CACNA2D1: variants seen among roughly 807,000 people sequenced by gnomAD.
CACNA2D1 encodes voltage-dependent calcium channel subunit alpha-2/delta-1.
In CACNA2D1, 53 loss-of-function variants were observed where a neutral mutation model predicts 171.5. That is an observed-to-expected ratio of 0.31 (90% confidence interval 0.25 to 0.39). The LOEUF (loss-of-function observed/expected upper bound fraction) is 0.39. Ranked by LOEUF, CACNA2D1 falls within the 10% of genes least tolerant of loss-of-function variation. The pLI, the probability that CACNA2D1 is intolerant of heterozygous loss-of-function variation, is 1.00. For missense variants in CACNA2D1, 903 were observed against 1,299.8 expected, an observed-to-expected ratio of 0.69 and a Z score of 4.69; for synonymous variants, 442 against 443.1, an observed-to-expected ratio of 1.00 and a Z score of 0.03.
At chr7:82,105,567 C>G (rs1366270584) in intron 6 of CACNA2D1, among the ~76,000 whole-genome samples, 7 of 151,936 alleles carry the variant, frequency 4.6e-5, no homozygotes, top group Non-Finnish European at 1.0e-4. Context: ...ATAAATAATA[C>G]TATCTCCATA....
intron 1 of CACNA2D1, among the ~76,000 whole-genome samples, chr7:82,396,167 T>C (rs185448623): frequency 6.6e-6 from 1 of 152,108 alleles, no homozygotes; most frequent in Non-Finnish European, 1.5e-5. Context: ...TCAGCTTTCA[T>C]AGAGGCCTTT....
chr7:82,064,352 T>C lies in CACNA2D1; in HGVS notation c.731A>G (p.Tyr244Cys). The stretch of plus-strand genomic sequence containing the variant: ...TTTAGGAGATGCAGCTCCTTGGATG[T>C]ACCTGAAACAAATATTGTAATAAAT... ...DLYDVRRRPW[Y>C]IQGAASPKDM... The change falls in exon 9 of 39, where the codon TAC becomes TGC. Residue 244 changes from tyrosine to cysteine, a missense_variant and splice_region_variant. Tyr to Cys is a radical substitution (Grantham distance 194). Around this residue, in one of 5 missense-constraint regions of CACNA2D1, gnomAD observed 189 missense variants for 266.8 expected, o/e 0.71. Transcript: ENST00000356860. 1 of 1,601,172 alleles carries C rather than the reference T, an allele frequency of 6.2e-7. No homozygotes were observed. Among genetic ancestry groups the C allele is most frequent in the Non-Finnish European group, 8.6e-7 (1 of 1,169,084 alleles).
intron 10 of CACNA2D1, among the ~76,000 whole-genome samples, chr7:82,053,754 G>A (rs923749249): frequency 6.6e-6 from 1 of 152,042 alleles, no homozygotes; most frequent in Non-Finnish European, 1.5e-5. Flanking sequence ...TTTCTGCCCT[G>A]TTTATGACAT....
At chr7:82,157,591 C>T (rs10252595) in intron 4 of CACNA2D1, among the ~76,000 whole-genome samples, 17 of 151,958 alleles carry the variant, frequency 1.1e-4, no homozygotes, top group African/African-American at 3.6e-4. Flanking sequence ...ACTAAAATAA[C>T]AGAAACACCA....
At chr7:82,208,322 A>G (rs1800215815) in intron 3 of CACNA2D1, among the ~76,000 whole-genome samples, 1 of 152,172 alleles carries the variant, frequency 6.6e-6, no homozygotes, top group Non-Finnish European at 1.5e-5. Context: ...TCATAGCATT[A>G]ACGACTTGAT....
intron 4 of CACNA2D1, among the ~76,000 whole-genome samples, chr7:82,158,831 T>TA (rs1272543682): frequency 6.6e-6 from 1 of 151,894 alleles, no homozygotes; most frequent in Non-Finnish European, 1.5e-5. Context: ...TTTTGATACT[T>TA]ACTTCATGGC....
chr7:82,286,914 G>A (rs1006646052), intron 3 of CACNA2D1, among the ~76,000 whole-genome samples: 17 of 152,178 alleles, frequency 1.1e-4, no homozygotes, highest in Non-Finnish European at 2.2e-4. Context: ...CTTATCTATA[G>A]GTTTCAAAAG....
chr7:82,044,863 T>C (rs552534060), intron 10 of CACNA2D1, among the ~76,000 whole-genome samples: 143 of 152,184 alleles, frequency 9.4e-4, no homozygotes, highest in Non-Finnish European at 1.8e-3. Context: ...AAATGATTAT[T>C]CTAAAATCCG....
chr7:82,424,993 C>T (rs1359196012), intron 1 of CACNA2D1, among the ~76,000 whole-genome samples: 3 of 152,188 alleles, frequency 2.0e-5, no homozygotes, highest in Admixed American at 2.0e-4. Flanking sequence ...ATTCCCACTC[C>T]TGCAGAACCC....
intron 3 of CACNA2D1, among the ~76,000 whole-genome samples, chr7:82,207,491 C>T (rs1800119820): frequency 6.6e-6 from 1 of 151,830 alleles, no homozygotes; most frequent in African/African-American, 2.4e-5. Flanking sequence ...TTATCCTATG[C>T]TGTACTTTTC....
chr7:82,273,678 T>C (rs1257720827), intron 3 of CACNA2D1, among the ~76,000 whole-genome samples: 2 of 152,100 alleles, frequency 1.3e-5, no homozygotes, highest in Non-Finnish European at 2.9e-5. Context: ...TTATATTTGA[T>C]GAAATAGGAA....
chr7:82,319,008 G>T (rs1251789989), intron 3 of CACNA2D1, among the ~76,000 whole-genome samples: 2 of 152,160 alleles, frequency 1.3e-5, no homozygotes, highest in African/African-American at 4.8e-5. Context: ...GAGATATGCT[G>T]CCAGAAAGCT....
chr7:82,443,287 C>T (rs923804666), intron 1 of CACNA2D1, 78 bp downstream of exon 1: 11 of 1,423,388 alleles, frequency 7.7e-6, no homozygotes, highest in Middle Eastern at 2.1e-4. Flanking sequence ...AAAAGCCCCG[C>T]GACTCGGGAA....
At chr7:82,074,469 C>T (rs1173959836) in intron 7 of CACNA2D1, among the ~76,000 whole-genome samples, 1 of 150,760 alleles carries the variant, frequency 6.6e-6, no homozygotes, top group Non-Finnish European at 1.5e-5. Flanking sequence ...CTCAGATGAT[C>T]CTCCCTCCTT....
chr7:82,257,368 C>T (rs1585240775), intron 3 of CACNA2D1, among the ~76,000 whole-genome samples: 2 of 152,184 alleles, frequency 1.3e-5, no homozygotes, highest in Non-Finnish European at 2.9e-5. Flanking sequence ...TGTCTTGACA[C>T]TGAAAACACA....
chr7:82,441,932 T>G (rs1830536081), intron 1 of CACNA2D1, among the ~76,000 whole-genome samples: 1 of 152,218 alleles, frequency 6.6e-6, no homozygotes, highest in Non-Finnish European at 1.5e-5. Flanking sequence ...CTTAGGGTGA[T>G]TCTTACTCTT....
chr7:82,067,644 G>A (rs1470802388), intron 7 of CACNA2D1, among the ~76,000 whole-genome samples: 1 of 152,148 alleles, frequency 6.6e-6, no homozygotes, highest in Admixed American at 6.5e-5. Context: ...CACAATCAAT[G>A]TAACTGAAAT....
At chr7:82,146,983 CAAAAAAAAAAAAAAAAA>C (rs764990586) in intron 4 of CACNA2D1, among the ~76,000 whole-genome samples, 102 of 25,508 alleles carry the variant, frequency 4.0e-3, no homozygotes, top group Non-Finnish European at 5.3e-3. Flanking sequence ...ACTCCCATCT[CAAAAAAAAAAAAAAAAA>C]AAAAAAAAAA....
At chr7:82,264,968 T>A (rs1807624734) in intron 3 of CACNA2D1, among the ~76,000 whole-genome samples, 1 of 152,192 alleles carries the variant, frequency 6.6e-6, no homozygotes, top group Non-Finnish European at 1.5e-5. Flanking sequence ...CATCATAATA[T>A]CAGGCATGTT....
Sources: allele counts gnomAD v4.1 joint callset (sites outside exome capture counted in the v4.1 genomes callset), GRCh38; gene constraint gnomAD v4.1.1; regional missense constraint gnomAD v4.1.1; transcripts MANE v1.5; gene names NCBI Gene and HGNC (gene_info 2026-07-23, HGNC 2026-07-21).